The following COL5A2 variants were observed in gnomAD, a reference collection of about 807,000 sequenced individuals.
The protein encoded by COL5A2 is collagen type V alpha 2 chain, also known as collagen alpha-2(V) chain.
COL5A2 carries 23 observed loss-of-function variants against 208.2 expected under a neutral mutation model. The observed-to-expected ratio is 0.11, with a 90% CI of 0.08 to 0.16. The LOEUF (loss-of-function observed/expected upper bound fraction) is 0.16, where lower values mean the gene tolerates loss of function less well. Ranked by LOEUF, COL5A2 falls within the 10% of genes least tolerant of loss-of-function variation. The pLI is 1.00. For missense variants in COL5A2, 1,590 were observed against 1,956.4 expected, an observed-to-expected ratio of 0.81 and a Z score of 3.53; for synonymous variants, 625 against 628.5, an observed-to-expected ratio of 0.99 and a Z score of 0.08.
intron 41 of COL5A2, among the ~76,000 whole-genome samples, chr2:189,051,867 T>C (rs1308108027): frequency 6.6e-6 from 1 of 152,216 alleles, no homozygotes; most frequent in Non-Finnish European, 1.5e-5. Context: ...GAAAGTTTCA[T>C]AGTTGCATCT....
chr2:189,437,702 A>G, the COL5A2 span, among the ~76,000 whole-genome samples: 1 of 152,248 alleles, frequency 6.6e-6, no homozygotes, highest in Non-Finnish European at 1.5e-5. Context: ...TAAGGATTTC[A>G]GCATCATAGG....
intron 1 of COL5A2, among the ~76,000 whole-genome samples, chr2:189,185,415 CT>C (rs1216659965): frequency 6.6e-6 from 1 of 152,146 alleles, no homozygotes; most frequent in Non-Finnish European, 1.5e-5. Flanking sequence ...GTTAGAAGTA[CT>C]CTTACTACAA....
chr2:189,407,163 T>A, the COL5A2 span, among the ~76,000 whole-genome samples: 1 of 152,172 alleles, frequency 6.6e-6, no homozygotes, highest in Non-Finnish European at 1.5e-5. Flanking sequence ...TTTTTCACTA[T>A]TTTTAGGCAA....
At chr2:189,185,044 G>A (rs1436083399) in intron 1 of COL5A2, among the ~76,000 whole-genome samples, 1 of 149,890 alleles carries the variant, frequency 6.7e-6, no homozygotes, top group African/African-American at 2.5e-5. Flanking sequence ...TTTTTTTTGA[G>A]ACAGAGTCTT....
At chr2:189,382,784 G>A in the COL5A2 span, among the ~76,000 whole-genome samples, 15 of 152,228 alleles carry the variant, frequency 9.9e-5, 1 homozygote, top group South Asian at 4.1e-4. Flanking sequence ...TGCAGGTAGG[G>A]GATGGATGTT....
intron 1 of COL5A2, among the ~76,000 whole-genome samples, chr2:189,118,131 C>A (rs753693661): frequency 2.0e-5 from 3 of 151,812 alleles, no homozygotes. Flanking sequence ...TTTAGAGAAG[C>A]GCCATTTTAG....
At chr2:189,320,213 G>A in the COL5A2 span, among the ~76,000 whole-genome samples, 54 of 152,084 alleles carry the variant, frequency 3.6e-4, no homozygotes, top group African/African-American at 1.3e-3. Flanking sequence ...ACAAAGATGG[G>A]GATAAAACAG....
At chr2:189,130,725 A>G (rs1325672460) in intron 1 of COL5A2, among the ~76,000 whole-genome samples, 1 of 152,044 alleles carries the variant, frequency 6.6e-6, no homozygotes, top group Non-Finnish European at 1.5e-5. Context: ...TCCATTTTAC[A>G]AATGAAATAT....
intron 30 of COL5A2, 53 bp from the exon 31 acceptor site, chr2:189,060,836 T>C: frequency 7.6e-7 from 1 of 1,319,654 alleles, no homozygotes; most frequent in Non-Finnish European, 1.1e-6. Flanking sequence ...TTTAACAGGC[T>C]ACCAGTGTTA....
chr2:189,087,575 C>A (rs1686690060), intron 8 of COL5A2, among the ~76,000 whole-genome samples: 1 of 151,598 alleles, frequency 6.6e-6, no homozygotes, highest in South Asian at 2.1e-4. Flanking sequence ...GCCTCAGCCT[C>A]CCAAGTAGCT....
chr2:189,116,318 A>G (rs1371159848), intron 1 of COL5A2, among the ~76,000 whole-genome samples: 2 of 152,218 alleles, frequency 1.3e-5, no homozygotes, highest in African/African-American at 4.8e-5. Context: ...GGGGTTCCAG[A>G]GAACCTACCA....
At chr2:189,242,305 C>T in the COL5A2 span, among the ~76,000 whole-genome samples, 2 of 152,096 alleles carry the variant, frequency 1.3e-5, no homozygotes, top group African/African-American at 2.4e-5. Flanking sequence ...ACACACATGG[C>T]CGTTAATATT....
the COL5A2 span, among the ~76,000 whole-genome samples, chr2:189,304,784 C>T: frequency 2.6e-5 from 4 of 152,298 alleles, no homozygotes; most frequent in South Asian, 8.3e-4. Context: ...ATAGGAGGTG[C>T]CTCCAAGCTT....
At chr2:189,248,674 T>C in the COL5A2 span, among the ~76,000 whole-genome samples, 4 of 152,124 alleles carry the variant, frequency 2.6e-5, no homozygotes, top group Non-Finnish European at 5.9e-5. Context: ...GCCTGGTGAT[T>C]TTATCCTTTT....
intron 1 of COL5A2, among the ~76,000 whole-genome samples, chr2:189,214,761 C>A (rs556238749): frequency 6.6e-6 from 1 of 152,118 alleles, no homozygotes; most frequent in Non-Finnish European, 1.5e-5. Flanking sequence ...GTGACTAATT[C>A]TCAGTAGTAA....
the COL5A2 span, among the ~76,000 whole-genome samples, chr2:189,355,441 T>A: frequency 9.2e-5 from 14 of 152,126 alleles, no homozygotes; most frequent in African/African-American, 3.4e-4. Context: ...CCCTAAGAAC[T>A]TGCTTTATGA....
At chr2:189,078,251 T>C (rs1247643867) in intron 16 of COL5A2, among the ~76,000 whole-genome samples, 16 of 152,200 alleles carry the variant, frequency 1.1e-4, no homozygotes, top group Admixed American at 9.8e-4. Context: ...ATGTATTCAT[T>C]ATTTTCTTAA....
At chr2:189,211,554 T>C (rs1246165741) in intron 1 of COL5A2, among the ~76,000 whole-genome samples, 1 of 151,958 alleles carries the variant, frequency 6.6e-6, no homozygotes, top group Non-Finnish European at 1.5e-5. Flanking sequence ...GAGACTCCAG[T>C]AGAAAAATAG....
chr2:189,389,591 T>C, the COL5A2 span, among the ~76,000 whole-genome samples: 1 of 152,184 alleles, frequency 6.6e-6, no homozygotes, highest in Non-Finnish European at 1.5e-5. Flanking sequence ...AAATTTTAGA[T>C]TGGAATAAAG....
Sources: allele counts gnomAD v4.1 joint callset (sites outside exome capture counted in the v4.1 genomes callset), GRCh38; gene constraint gnomAD v4.1.1; transcripts MANE v1.5; gene names NCBI Gene and HGNC (gene_info 2026-07-23, HGNC 2026-07-21).